Variants in LGALS8 observed in about 807,000 individuals in gnomAD.
LGALS8 encodes the protein galectin-8.
A neutral mutation model predicts 35.9 loss-of-function variants in LGALS8; 30 were observed. The observed-to-expected ratio is 0.83, with a 90% CI of 0.62 to 1.13. The LOEUF (loss-of-function observed/expected upper bound fraction) is 1.13. LGALS8 is among the 50% of genes most tolerant of loss of function. LGALS8 has a pLI of 0.00. For synonymous variants in LGALS8, 138 were observed against 136.1 expected, an observed-to-expected ratio of 1.01 and a Z score of -0.10; for missense variants, 366 against 388.7, an observed-to-expected ratio of 0.94 and a Z score of 0.49.
In LGALS8 at chr1:236,548,242, C is replaced by CATTCT; in HGVS notation, c.*85_*89dup. ...GCCTTGCTGAAACGCATCTCACTGT[C>CATTCT]ATTCTATTGTTTATATTGTTAAAAT... On this transcript the variant is annotated 3_prime_UTR_variant, in exon 10 of 10. Transcript: ENST00000366584. 1 of 1,231,670 alleles carries CATTCT rather than the reference C, an allele frequency of 8.1e-7. No individual in the cohort carries two copies. The highest frequency in any genetic ancestry group is 1.2e-6 in the Non-Finnish European group (1 of 866,018). 76.3% of individuals were successfully genotyped at this position (1,231,670 alleles called of 1,614,324 possible). A position where few individuals can be genotyped will look rare whatever the true frequency, so the allele number is the denominator to read the frequency against.
chr1:236,523,519 A>G (rs12405550), upstream of LGALS8: 15 of 156,060 alleles, frequency 9.6e-5, no homozygotes, highest in Admixed American at 9.2e-4. Flanking sequence ...CGGGAAGGCC[A>G]GCGCTTGGTC....
intron 3 of LGALS8, among the ~76,000 whole-genome samples, 158 bp downstream of exon 3, chr1:236,537,743 T>A (rs1271810651): frequency 3.3e-5 from 5 of 152,074 alleles, no homozygotes; most frequent in Non-Finnish European, 7.4e-5. Flanking sequence ...TTGGAATGAA[T>A]GACTAAATAA....
rs936095791 is a variant in LGALS8, at chr1:236,540,425, A to G, written c.346-139A>G. 7 of 936,690 alleles carry G rather than the reference A, an allele frequency of 7.5e-6. No homozygotes were observed. In the East Asian group the frequency reaches 1.2e-4, roughly 15 times the overall value. The allele number at this position is 936,690 out of a possible 1,614,324, so 58.0% of individuals were successfully genotyped here. A position where few individuals can be genotyped will look rare whatever the true frequency, so the allele number is the denominator to read the frequency against. On this transcript the variant is annotated intron_variant, in intron 4 of 9. Transcript: ENST00000366584. ...AGTGTTTTGGGTGCTTTCGGTTACC[A>G]TTTGGTCATGTGTGTGGAGACCTGT...
At position 236,550,606 on chromosome 1, in the gene LGALS8, C is replaced by CTAATATTAT; in HGVS notation, c.*2448_*2456dup. 3.2e-6 allele frequency: 1 copy of CTAATATTAT among 311,312 alleles called. No individual in the cohort carries two copies. Among genetic ancestry groups the CTAATATTAT allele is most frequent in the Non-Finnish European group, 5.9e-6 (1 of 170,778 alleles). The allele number at this position is 311,312 out of a possible 1,614,324, so 19.3% of individuals were successfully genotyped here. A position where few individuals can be genotyped will look rare whatever the true frequency, so the allele number is the denominator to read the frequency against. ...GCTTTGGGTGCTAAAATTAACAAGTCTAATATTATTACCATCAATCAGGAA... is the reference window on the plus strand; with the variant it reads ...GCTTTGGGTGCTAAAATTAACAAGTCTAATATTATTAATATTATTACCATCAATCAGGAA... On this transcript the variant is annotated 3_prime_UTR_variant, in exon 10 of 10. Coordinates refer to ENST00000366584, the MANE Select transcript of LGALS8 (RefSeq NM_201544.4).
chr1:236,551,158 C>T lies in LGALS8; in HGVS notation c.*2997C>T, dbSNP rs545070339. ...AGGCGCCACGGACCGCCTCCCTCCA[C>T]ACCGCTCCTTCCGCCTTCATTCCTT... On this transcript the variant is annotated 3_prime_UTR_variant, in exon 10 of 10. Coordinates refer to ENST00000366584, the MANE Select transcript of LGALS8 (RefSeq NM_201544.4). The T allele has an allele frequency of 5.2e-6, 3 of 577,984 alleles. No individual in the cohort carries two copies. Among genetic ancestry groups the T allele is most frequent in the Non-Finnish European group, 9.0e-6 (3 of 333,348 alleles). 35.8% of individuals were successfully genotyped at this position (577,984 alleles called of 1,614,324 possible). A position where few individuals can be genotyped will look rare whatever the true frequency, so the allele number is the denominator to read the frequency against.
At chr1:236,543,682 T>C in intron 8 of LGALS8, 34 bp downstream of exon 8, 12 of 1,475,244 alleles carry the variant, frequency 8.1e-6, no homozygotes, top group Non-Finnish European at 1.1e-5. Flanking sequence ...ACAGTGCAGA[T>C]ACTTCCGTGC....
chr1:236,537,315 G>A (rs1661598984), intron 2 of LGALS8, among the ~76,000 whole-genome samples, 182 bp from the exon 3 acceptor site: 1 of 152,134 alleles, frequency 6.6e-6, no homozygotes, highest in African/African-American at 2.4e-5. Flanking sequence ...GCGCCCGGCC[G>A]CAGTTCCTTT....
At chr1:236,519,098 C>T (rs1258852006), upstream of LGALS8, among the ~76,000 whole-genome samples, 1 of 151,760 alleles carries the variant, frequency 6.6e-6, no homozygotes, top group Non-Finnish European at 1.5e-5. Context: ...GCTTGTAAGA[C>T]TTAATTTTGC....
In LGALS8 at chr1:236,549,788, G is replaced by T. The variant is rs1371875174; in HGVS notation, c.*1627G>T. Reference sequence around the variant, plus strand: ...AAATAGCCCACTCACATCATTCCTTGTAAGTCTTAAGTTCATTTTCATTTT... The same window carrying T: ...AAATAGCCCACTCACATCATTCCTTTTAAGTCTTAAGTTCATTTTCATTTT... On this transcript the variant is annotated 3_prime_UTR_variant, in exon 10 of 10. Coordinates refer to ENST00000366584, the MANE Select transcript of LGALS8 (RefSeq NM_201544.4). The T allele has an allele frequency of 6.6e-6, 1 of 152,120 alleles. No homozygotes were observed. 9.4% of individuals were successfully genotyped at this position (152,120 alleles called of 1,614,324 possible). A position where few individuals can be genotyped will look rare whatever the true frequency, so the allele number is the denominator to read the frequency against.
intron 4 of LGALS8, 52 bp downstream of exon 4, chr1:236,539,141 CA>C (rs1331415682): frequency 7.0e-7 from 1 of 1,422,642 alleles, no homozygotes; most frequent in South Asian, 1.1e-5. Flanking sequence ...CAGGAGTGCA[CA>C]GGGGTGCTTT....
chr1:236,533,969 C>T (rs12098027), intron 2 of LGALS8, among the ~76,000 whole-genome samples: 6 of 54,746 alleles, frequency 1.1e-4, no homozygotes, highest in African/African-American at 2.4e-4. Flanking sequence ...TATAGCTGCC[C>T]CTGACCCCGG....
Position 236,548,967 on chromosome 1 carries a change from A to G in LGALS8, c.*806A>G. The stretch of plus-strand genomic sequence containing the variant: ...ACTTAGGGCAAATCAGAGTCTACAC[A>G]GACGCCTACAGAAAGTTTCAGGAAG... On this transcript the variant is annotated 3_prime_UTR_variant, in exon 10 of 10. Transcript: ENST00000366584. 1 of 398,668 alleles carries G rather than the reference A, an allele frequency of 2.5e-6. No individual in the cohort carries two copies. The highest frequency in any genetic ancestry group is 3.6e-5 in the East Asian group (1 of 28,086). The allele number at this position is 398,668 out of a possible 1,614,324, so 24.7% of individuals were successfully genotyped here.
In LGALS8 at chr1:236,537,161, C is replaced by T. The variant is rs567268395; in HGVS notation, c.46-336C>T. 6.6e-5 allele frequency among the ~76,000 whole-genome samples: 10 copies of T among 151,632 alleles called. No individual in the cohort carries two copies. In the South Asian group the frequency reaches 1.9e-3, roughly 29 times the overall value. ...CCTCCCGAGTAGCTGGGACTACAGG[C>T]GCCCACCACCACACCCGGCTAATTT... On this transcript the variant is annotated intron_variant, in intron 2 of 9. Transcript: ENST00000366584.
At position 236,548,954 on chromosome 1, in the gene LGALS8, TCAGAGTCTACA is replaced by T; in HGVS notation, c.*798_*808del. ...TCTGTGTATTTGAACTTAGGGCAAA[TCAGAGTCTACA>T]CAGACGCCTACAGAAAGTTTCAGGA... On this transcript the variant is annotated 3_prime_UTR_variant, in exon 10 of 10. Transcript: ENST00000366584. 2.5e-6 allele frequency: 1 copy of T among 398,174 alleles called. No homozygotes were observed. The allele number at this position is 398,174 out of a possible 1,614,324, so 24.7% of individuals were successfully genotyped here.
chr1:236,548,154 G>C lies in LGALS8; in HGVS notation c.947G>C (p.Ser316Thr). The C allele has an allele frequency of 1.2e-6, 2 of 1,613,344 alleles. No homozygotes were observed. The highest frequency in any genetic ancestry group is 1.7e-6 in the Non-Finnish European group (2 of 1,179,532). The change falls in exon 10 of 10, where the codon AGC becomes ACC. Residue 316 changes from serine to threonine, a missense_variant. By Grantham distance (58) the Ser-to-Thr change is moderately conservative (BLOSUM62 1). Transcript: ENST00000366584. ...GACATCCACTTACTGGAAGTAAGGAGCTGGTAGCCTACCTACACAGCTGCT... is the reference window on the plus strand; with the variant it reads ...GACATCCACTTACTGGAAGTAAGGACCTGGTAGCCTACCTACACAGCTGCT... ...NGDIHLLEVR[S>T]W
At chr1:236,531,621 G>A (rs1035331768) in intron 2 of LGALS8, among the ~76,000 whole-genome samples, 31 of 152,170 alleles carry the variant, frequency 2.0e-4, no homozygotes, top group African/African-American at 6.5e-4. Flanking sequence ...CACCGCGCCC[G>A]GCCCCATTTT....
chr1:236,550,328 A>G lies in LGALS8; in HGVS notation c.*2167A>G, dbSNP rs1662668772. The G allele has an allele frequency of 6.6e-6, 1 of 152,226 alleles. No homozygotes were observed. Among genetic ancestry groups the G allele is most frequent in the Admixed American group, 6.5e-5 (1 of 15,276 alleles). The allele number at this position is 152,226 out of a possible 1,614,324, so 9.4% of individuals were successfully genotyped here. A position where few individuals can be genotyped will look rare whatever the true frequency, so the allele number is the denominator to read the frequency against. On this transcript the variant is annotated 3_prime_UTR_variant, in exon 10 of 10. Coordinates refer to ENST00000366584, the MANE Select transcript of LGALS8 (RefSeq NM_201544.4). ...CAAAAGAACAAAGGATAAAGGTGAC[A>G]GTCACACTCCTGGGTTAAAAAAAGC...
At chr1:236,520,897 C>T (rs1406668059), upstream of LGALS8, among the ~76,000 whole-genome samples, 2 of 152,308 alleles carry the variant, frequency 1.3e-5, no homozygotes. Flanking sequence ...AGCAGCTGCT[C>T]GCTAAGGCTG....
chr1:236,521,931 G>C (rs1388230302), upstream of LGALS8, among the ~76,000 whole-genome samples: 1 of 152,166 alleles, frequency 6.6e-6, no homozygotes, highest in Non-Finnish European at 1.5e-5. Flanking sequence ...ATTGCAGAGG[G>C]GCAAGGGCAA....
Sources: allele counts gnomAD v4.1 joint callset (sites outside exome capture counted in the v4.1 genomes callset), GRCh38; gene constraint gnomAD v4.1.1; transcripts MANE v1.5; gene names NCBI Gene and HGNC (gene_info 2026-07-23, HGNC 2026-07-21).